UTRN: variants seen among roughly 807,000 people sequenced by gnomAD.
The protein encoded by UTRN is dystrophin-related protein 1.
Under a neutral mutation model 463.9 loss-of-function variants are expected in UTRN, and 283 were observed. The ratio of observed to expected loss-of-function variants is 0.61; its 90% confidence interval spans 0.55 to 0.67. The LOEUF (loss-of-function observed/expected upper bound fraction) is 0.67, where lower values mean the gene tolerates loss of function less well. Ranked by LOEUF, UTRN falls within the 30% of genes least tolerant of loss-of-function variation. The probability of loss-of-function intolerance (pLI) is 0.00; values close to 1 mark genes in which losing one functional copy is unlikely to be tolerated. For synonymous variants in UTRN, 1,442 were observed against 1,431.5 expected, an observed-to-expected ratio of 1.01 and a Z score of -0.17; for missense variants, 3,922 against 4,084.3, an observed-to-expected ratio of 0.96 and a Z score of 1.08.
intron 73 of UTRN, among the ~76,000 whole-genome samples, chr6:144,842,059 G>A (rs919347944): frequency 2.9e-5 from 4 of 137,260 alleles, no homozygotes; most frequent in African/African-American, 1.1e-4. Context: ...GCAATGAGCC[G>A]AGATCGTGCC....
At chr6:144,626,566 C>G (rs1775962229) in intron 51 of UTRN, among the ~76,000 whole-genome samples, 1 of 152,242 alleles carries the variant, frequency 6.6e-6, no homozygotes, top group African/African-American at 2.4e-5. Context: ...TTGCACATGT[C>G]CACAGCTGCC....
At chr6:144,615,118 A>T (rs534111822) in intron 51 of UTRN, among the ~76,000 whole-genome samples, 5 of 152,296 alleles carry the variant, frequency 3.3e-5, no homozygotes, top group Non-Finnish European at 7.4e-5. Context: ...TATTTAAAAC[A>T]GTTTGTTTGT....
intron 49 of UTRN, among the ~76,000 whole-genome samples, chr6:144,555,130 A>C (rs1799263949): frequency 6.6e-6 from 1 of 152,190 alleles, no homozygotes; most frequent in Non-Finnish European, 1.5e-5. Context: ...ACTTTTTGCA[A>C]GTGAAACACA....
Position 144,286,442 on chromosome 6 carries a change from A to G in UTRN, c.-93+621A>G, listed in dbSNP as rs546305475. ...TCCGGAGAGTGTGGCGCGATCGCCA[A>G]GCTCCCTGGCAGCGGCCCTGGAGAG... is the stretch of plus-strand genomic sequence containing the variant. On this transcript the variant is annotated intron_variant, in intron 1 of 74. Coordinates refer to ENST00000367545, the MANE Select transcript of UTRN (RefSeq NM_007124.3). The surrounding 1 kb of genome is among the most constrained non-coding windows in gnomAD (Gnocchi z 4.4). 6.6e-6 allele frequency among the ~76,000 whole-genome samples: 1 copy of G among 152,164 alleles called. No homozygotes were observed. The highest frequency in any genetic ancestry group is 2.1e-4 in the South Asian group (1 of 4,816).
At chr6:144,614,146 T>A (rs1355208165) in intron 51 of UTRN, among the ~76,000 whole-genome samples, 1 of 152,116 alleles carries the variant, frequency 6.6e-6, no homozygotes, top group Non-Finnish European at 1.5e-5. Flanking sequence ...AGGTGTAGCC[T>A]GAAAGAATAG....
intron 29 of UTRN, among the ~76,000 whole-genome samples, chr6:144,488,189 C>T (rs79432001): frequency 1.7e-3 from 265 of 152,152 alleles, no homozygotes; most frequent in African/African-American, 6.0e-3. Context: ...GATGTTCAGC[C>T]CATGAATAAC....
chr6:144,625,051 T>C (rs573430580), intron 51 of UTRN, among the ~76,000 whole-genome samples: 1 of 152,254 alleles, frequency 6.6e-6, no homozygotes, highest in East Asian at 1.9e-4. Flanking sequence ...AAAATTGAAA[T>C]TAAGGCACTC....
In UTRN at chr6:144,793,815, C is replaced by T; in HGVS notation, c.8921-19C>T. The T allele has an allele frequency of 1.9e-6, 3 of 1,610,458 alleles. No homozygotes were observed. Among genetic ancestry groups the T allele is most frequent in the African/African-American group, 2.7e-5 (2 of 74,862 alleles). The stretch of plus-strand genomic sequence containing the variant: ...ACATGGTAGACAGATGAAAGTTAAC[C>T]TCTTGCCTCTCTTTGCAGATCTCTT... On this transcript the variant is annotated intron_variant, in intron 62 of 74. Coordinates refer to ENST00000367545, the MANE Select transcript of UTRN (RefSeq NM_007124.3).
At chr6:144,542,089 A>G (rs1419375004) in intron 45 of UTRN, among the ~76,000 whole-genome samples, 1 of 152,196 alleles carries the variant, frequency 6.6e-6, no homozygotes, top group Non-Finnish European at 1.5e-5. Context: ...GTGGGCAGCT[A>G]TTGATGGGTT....
intron 51 of UTRN, among the ~76,000 whole-genome samples, chr6:144,585,698 T>C (rs1226046233): frequency 6.6e-6 from 1 of 152,164 alleles, no homozygotes; most frequent in East Asian, 1.9e-4. Context: ...CAATAGTCCA[T>C]GTGTCATACC....
chr6:144,831,687 C>A (rs887837362), intron 69 of UTRN, among the ~76,000 whole-genome samples: 2 of 152,142 alleles, frequency 1.3e-5, no homozygotes, highest in African/African-American at 4.8e-5. Flanking sequence ...GCAGTGACAT[C>A]TCAGGACAGG....
rs747748243 is a variant in UTRN, at chr6:144,757,950, A to G, written c.8456A>G (p.Gln2819Arg). The G allele has an allele frequency of 1.9e-6, 3 of 1,611,364 alleles. No individual in the cohort carries two copies. The East Asian group carries it at 6.7e-5, about 36-fold the overall frequency. Residue 2819 changes from glutamine to arginine, a missense_variant, in exon 58 of 75, where the codon CAA becomes CGA. Gln to Arg is a conservative substitution (Grantham distance 43). This residue lies in a region of UTRN where 1,309 missense variants were observed against 1,452.6 expected (regional missense o/e 0.90). Transcript: ENST00000367545. ...FLSTSVQLPW[Q>R]RSISHNKVPY... is the part of the protein sequence containing the mutation. ...TCAGCGTCAGTCCAGCTGCCGTGGC[A>G]AAGATCCATTTCACATAATAAAGTG...
chr6:144,583,489 T>G (rs780924830), intron 51 of UTRN: 22 of 714,726 alleles, frequency 3.1e-5, no homozygotes, highest in Non-Finnish European at 5.0e-5. Flanking sequence ...AGAAGTGTGG[T>G]AAACTTAAAA....
At chr6:144,587,587 G>GT (rs936512416) in intron 51 of UTRN, among the ~76,000 whole-genome samples, 1 of 152,128 alleles carries the variant, frequency 6.6e-6, no homozygotes, top group Non-Finnish European at 1.5e-5. Context: ...TGAGTATGTG[G>GT]TTTTTTAGAA....
intron 23 of UTRN, among the ~76,000 whole-genome samples, chr6:144,467,686 A>G (rs888478696): frequency 6.6e-6 from 1 of 152,190 alleles, no homozygotes; most frequent in African/African-American, 2.4e-5. Context: ...TTTTAGGGTA[A>G]AAATGCAATA....
chr6:144,492,115 C>G (rs867497062), intron 32 of UTRN, among the ~76,000 whole-genome samples: 25 of 151,978 alleles, frequency 1.6e-4, no homozygotes, highest in Non-Finnish European at 2.8e-4. Context: ...TCGACTGAAC[C>G]CATCACCCAA....
chr6:144,632,654 G>A (rs762618547), intron 51 of UTRN, among the ~76,000 whole-genome samples: 2 of 151,712 alleles, frequency 1.3e-5, no homozygotes, highest in Admixed American at 6.6e-5. Context: ...GAGCATACCC[G>A]TGATTTGTTT....
chr6:144,481,466 TA>T (rs1562465804), intron 26 of UTRN, among the ~76,000 whole-genome samples: 1 of 152,256 alleles, frequency 6.6e-6, no homozygotes, highest in Non-Finnish European at 1.5e-5. Context: ...CTATGTTCTA[TA>T]ATTTTTTAAA....
At chr6:144,759,802 A>G in intron 58 of UTRN, among the ~76,000 whole-genome samples, 1 of 152,186 alleles carries the variant, frequency 6.6e-6, no homozygotes. Flanking sequence ...GAACCTCCAG[A>G]GAAGGAATTC....
Sources: gnomAD v4.1 joint callset for allele counts (sites outside exome capture counted in the v4.1 genomes callset) on GRCh38, gnomAD v4.1.1 for gene constraint, gnomAD v4.1.1 regional missense constraint, Gnocchi (gnomAD v3.1) non-coding constraint, MANE v1.5 for transcripts, NCBI Gene and HGNC (gene_info 2026-07-23, HGNC 2026-07-21) for gene names.